The following PTPRD variants were observed in gnomAD, a reference collection of about 807,000 sequenced individuals.
The protein encoded by PTPRD is protein tyrosine phosphatase receptor type D.
In PTPRD, 34 loss-of-function variants were observed where a neutral mutation model predicts 214.5. The ratio of observed to expected loss-of-function variants is 0.16; its 90% CI spans 0.12 to 0.21. PTPRD has a LOEUF of 0.21. PTPRD is among the 10% of genes least tolerant of loss of function. The pLI is 1.00. For synonymous variants in PTPRD, 1,128 were observed against 845.7 expected, an observed-to-expected ratio of 1.33 and a Z score of -5.79; for missense variants, 2,545 against 2,398.7, an observed-to-expected ratio of 1.06 and a Z score of -1.27.
At chr9:8,625,392 A>C (rs2154306156) in intron 14 of PTPRD, among the ~76,000 whole-genome samples, 1 of 151,992 alleles carries the variant, frequency 6.6e-6, no homozygotes, top group East Asian at 1.9e-4. Context: ...ACGTAATTAA[A>C]CAAATACATA....
At chr9:9,243,058 C>T (rs565371291) in intron 9 of PTPRD, among the ~76,000 whole-genome samples, 14 of 152,202 alleles carry the variant, frequency 9.2e-5, no homozygotes, top group Admixed American at 2.6e-4. Flanking sequence ...TTCCTTTTAA[C>T]AGTCAGGACC....
intron 8 of PTPRD, among the ~76,000 whole-genome samples, chr9:9,542,862 G>C (rs183999483): frequency 1.2e-4 from 18 of 151,826 alleles, no homozygotes; most frequent in Admixed American, 1.1e-3. Context: ...TAAGGGTTTT[G>C]TGCTGCAGGA....
chr9:8,437,233 T>C, intron 34 of PTPRD: 2 of 1,523,548 alleles, frequency 1.3e-6, no homozygotes, highest in Non-Finnish European at 8.8e-7. Context: ...ACCGGAATCA[T>C]CTGAACCTGC....
At chr9:9,192,192 G>C (rs1039329712) in intron 9 of PTPRD, among the ~76,000 whole-genome samples, 8 of 151,826 alleles carry the variant, frequency 5.3e-5, no homozygotes, top group African/African-American at 1.9e-4. Context: ...CAGTAAATCA[G>C]AGAGTTAATG....
At chr9:8,713,069 G>T (rs1391574344) in intron 12 of PTPRD, among the ~76,000 whole-genome samples, 1 of 152,136 alleles carries the variant, frequency 6.6e-6, no homozygotes, top group Non-Finnish European at 1.5e-5. Flanking sequence ...AGAAATCTAG[G>T]TATGTGTGTG....
At chr9:8,324,298 C>T (rs1006384866) in intron 44 of PTPRD, among the ~76,000 whole-genome samples, 11 of 152,028 alleles carry the variant, frequency 7.2e-5, no homozygotes, top group South Asian at 4.2e-4. Flanking sequence ...CGCTTCCCTG[C>T]GTCCACGTGT....
intron 6 of PTPRD, among the ~76,000 whole-genome samples, chr9:9,764,353 A>AC (rs754011061): frequency 9.2e-5 from 14 of 152,162 alleles, no homozygotes; most frequent in Admixed American, 5.9e-4. Context: ...CAACATGAAG[A>AC]CCCCTTATGT....
rs535201041 is a variant in PTPRD, at chr9:10,556,791, C to T, written c.-600+55607G>A. On this transcript the variant is annotated intron_variant, in intron 2 of 45. Transcript: ENST00000381196. ...TTAATTATATTTTAGAAATGTACTG[C>T]GGGAAGATGGATTGGTACAATACAG... Among the ~76,000 whole-genome samples, 48 of 151,744 alleles carry T rather than the reference C, an allele frequency of 3.2e-4. No individual in the cohort carries two copies. The South Asian group carries it at 8.3e-3, about 26-fold the overall frequency.
intron 10 of PTPRD, among the ~76,000 whole-genome samples, chr9:9,024,775 T>G (rs965553308): frequency 5.9e-5 from 9 of 151,930 alleles, no homozygotes; most frequent in African/African-American, 1.9e-4. Flanking sequence ...TCTTCTATAA[T>G]TACTTGTAAT....
intron 10 of PTPRD, among the ~76,000 whole-genome samples, chr9:9,049,619 GT>G (rs1472481065): frequency 6.6e-6 from 1 of 152,080 alleles, no homozygotes; most frequent in Non-Finnish European, 1.5e-5. Context: ...TTTGTAGGTA[GT>G]TATGACTATG....
chr9:9,908,076 A>G (rs1331790652), intron 5 of PTPRD, among the ~76,000 whole-genome samples: 1 of 38,990 alleles, frequency 2.6e-5, no homozygotes, highest in Non-Finnish European at 9.2e-5. Context: ...GAGAACATTA[A>G]GACAAAAAAA....
chr9:10,391,538 G>C (rs2098065558), intron 2 of PTPRD, among the ~76,000 whole-genome samples: 2 of 151,904 alleles, frequency 1.3e-5, no homozygotes, highest in South Asian at 2.1e-4. Context: ...AGTTAAGACA[G>C]ATATGAATGC....
At chr9:9,403,914 T>A (rs2072054808) in intron 8 of PTPRD, among the ~76,000 whole-genome samples, 1 of 151,992 alleles carries the variant, frequency 6.6e-6, no homozygotes, top group South Asian at 2.1e-4. Flanking sequence ...AAACATGTAA[T>A]ATAGCTCAAA....
intron 3 of PTPRD, among the ~76,000 whole-genome samples, chr9:10,291,200 G>C (rs912466965): frequency 6.6e-6 from 1 of 151,938 alleles, no homozygotes; most frequent in Non-Finnish European, 1.5e-5. Flanking sequence ...CTGAACACTA[G>C]AGTCTCCCTG....
At chr9:9,814,467 C>A (rs2048123272) in intron 5 of PTPRD, among the ~76,000 whole-genome samples, 1 of 152,176 alleles carries the variant, frequency 6.6e-6, no homozygotes, top group South Asian at 2.1e-4. Flanking sequence ...CATAAAAAAT[C>A]GTGTTGCATT....
chr9:8,678,019 G>A (rs909461803), intron 12 of PTPRD, among the ~76,000 whole-genome samples: 4 of 152,094 alleles, frequency 2.6e-5, no homozygotes, highest in African/African-American at 9.7e-5. Flanking sequence ...TGCTATCTCT[G>A]CTGACAGCTT....
At chr9:8,798,775 C>T (rs2096502715) in intron 11 of PTPRD, among the ~76,000 whole-genome samples, 1 of 152,076 alleles carries the variant, frequency 6.6e-6, no homozygotes, top group Non-Finnish European at 1.5e-5. Flanking sequence ...ACTAGTGCTT[C>T]GGTGATCATA....
intron 8 of PTPRD, among the ~76,000 whole-genome samples, chr9:9,449,702 C>T (rs983257705): frequency 6.6e-6 from 1 of 151,950 alleles, no homozygotes; most frequent in African/African-American, 2.4e-5. Flanking sequence ...TGTATTCAGA[C>T]ATAACCTCAA....
chr9:9,006,200 C>T (rs937485888), intron 11 of PTPRD, among the ~76,000 whole-genome samples: 2 of 69,868 alleles, frequency 2.9e-5, no homozygotes, highest in Admixed American at 3.8e-4. Flanking sequence ...TGTATCCAAC[C>T]GATGATGTAA....
Sources: gnomAD v4.1 joint callset for allele counts (sites outside exome capture counted in the v4.1 genomes callset) on GRCh38, gnomAD v4.1.1 for gene constraint, MANE v1.5 for transcripts, NCBI Gene and HGNC (gene_info 2026-07-23, HGNC 2026-07-21) for gene names.